Variants in C1S observed in about 807,000 individuals in gnomAD.
The protein encoded by C1S is complement C1s subcomponent.
C1S carries 31 observed loss-of-function variants against 54.0 expected under a neutral mutation model. That is an observed-to-expected ratio of 0.57 (90% CI 0.43 to 0.78). The LOEUF (loss-of-function observed/expected upper bound fraction) is 0.78, where lower values mean the gene tolerates loss of function less well. Ranked by LOEUF, C1S falls within the 30% of genes least tolerant of loss-of-function variation. The pLI, the probability that C1S is intolerant of heterozygous loss-of-function variation, is 0.00. For missense variants in C1S, 727 were observed against 851.8 expected, an observed-to-expected ratio of 0.85 and a Z score of 1.82; for synonymous variants, 292 against 303.6, an observed-to-expected ratio of 0.96 and a Z score of 0.40.
chr12:7,067,743 A>G lies in C1S; in HGVS notation c.1167A>G (p.Pro389=), dbSNP rs1143664. ...GSVIRYTCEE[P]YYYMENGGGG... ...TCATCCGCTACACTTGTGAGGAGCC[A>G]TATTACTACATGGAAAATGGAGGAG... Residue 389 remains proline (P), a synonymous_variant, in exon 10 of 12, where the codon CCA becomes CCG. Coordinates refer to ENST00000360817, the MANE Select transcript of C1S (RefSeq NM_001734.5). 0.078 allele frequency: 125,932 copies of G among 1,613,332 alleles called. 5,698 individuals carry two copies. Among genetic ancestry groups the G allele is most frequent in the African/African-American group, 0.17 (12,586 of 74,988 alleles).
At chr12:7,065,067 A>G (rs1555161885) in intron 5 of C1S, 33 bp from the exon 6 acceptor site, 2 of 1,554,708 alleles carry the variant, frequency 1.3e-6, no homozygotes, top group South Asian at 1.1e-5. Flanking sequence ...TTGACCCTGT[A>G]TTTGATTCTC....
rs1178032371 is a variant in C1S at position 7,062,872 on chromosome 12, T to C, written c.214-18T>C. ...TATTACCCTTTCCTAGATTTTTTTT[T>C]TGTGACTCTTCTCTTAGATAATCTC... On this transcript the variant is annotated intron_variant, in intron 3 of 11. Transcript: ENST00000360817. 1.2e-6 allele frequency: 2 copies of C among 1,613,132 alleles called. No homozygotes were observed. Among genetic ancestry groups the C allele is most frequent in the Non-Finnish European group, 1.7e-6 (2 of 1,179,814 alleles).
intron 11 of C1S, among the ~76,000 whole-genome samples, chr12:7,069,644 C>A (rs1287838684): frequency 6.6e-6 from 1 of 152,166 alleles, no homozygotes; most frequent in Non-Finnish European, 1.5e-5. Flanking sequence ...ACTGAGCTCT[C>A]CCATGAGCCA....
intron 8 of C1S, 176 bp downstream of exon 8, chr12:7,066,809 A>T (rs782655255): frequency 4.2e-6 from 3 of 707,982 alleles, no homozygotes; most frequent in African/African-American, 1.7e-5. Context: ...CTGCCTGGCC[A>T]GCTTGGCATT....
intron 6 of C1S, 82 bp downstream of exon 6, chr12:7,065,381 C>T (rs781808191): frequency 2.0e-6 from 2 of 992,062 alleles, no homozygotes; most frequent in South Asian, 2.6e-5. Context: ...TTTCATACAG[C>T]ATCTTTCTCT....
At position 7,064,412 on chromosome 12, in the gene C1S, G is replaced by T; in HGVS notation, c.517+20G>T. On this transcript the variant is annotated intron_variant, in intron 5 of 11. Transcript: ENST00000360817. ...GCGGAGGTGAGCTTGGTGTTAAGAG[G>T]GTTGCATGTTCCCTGGGATTTGGAA... 1 of 1,613,986 alleles carries T rather than the reference G, an allele frequency of 6.2e-7. No individual in the cohort carries two copies. Among genetic ancestry groups the T allele is most frequent in the South Asian group, 1.1e-5 (1 of 91,084 alleles).
chr12:7,069,641 T>G (rs1049460749), intron 11 of C1S, among the ~76,000 whole-genome samples: 1 of 152,154 alleles, frequency 6.6e-6, no homozygotes, highest in African/African-American at 2.4e-5. Flanking sequence ...TTAACTGAGC[T>G]CTCCCATGAG....
At chr12:7,061,630 AG>A (rs1460101326) in intron 1 of C1S, 1 of 524,908 alleles carries the variant, frequency 1.9e-6, no homozygotes, top group African/African-American at 1.9e-5. Context: ...AGAAGCAATG[AG>A]GGAAGGATAC....
chr12:7,066,227 GA>G, intron 7 of C1S: 2 of 609,214 alleles, frequency 3.3e-6, no homozygotes, highest in Non-Finnish European at 5.8e-6. Flanking sequence ...TTGTTGTTCT[GA>G]TAGAATCCTG....
Position 7,063,051 on chromosome 12 carries a change from A to G in C1S, c.375A>G (p.Ala125=). 1 of 1,613,628 alleles carries G rather than the reference A, an allele frequency of 6.2e-7. No individual in the cohort carries two copies. The highest frequency in any genetic ancestry group is 1.1e-5 in the South Asian group (1 of 91,084). The change falls in exon 4 of 12, where the codon GCA becomes GCG. Residue 125 remains alanine (A), a synonymous_variant. Transcript: ENST00000360817. ...AAGAGCGTTTTACGGGGTTTGCTGC[A>G]TACTATGTTGCCACAGGTAAGGCTC... ...SNEERFTGFA[A]YYVATDINEC...
intron 11 of C1S, among the ~76,000 whole-genome samples, chr12:7,069,211 C>A (rs1275138463): frequency 6.6e-6 from 1 of 152,178 alleles, no homozygotes; most frequent in Non-Finnish European, 1.5e-5. Context: ...CTTGGAGTCC[C>A]TCCAGGCTGT....
chr12:7,065,586 C>G (rs1947163422), intron 6 of C1S: 1 of 615,878 alleles, frequency 1.6e-6, no homozygotes, highest in East Asian at 2.8e-5. Flanking sequence ...CTCAGGATAG[C>G]CTGAAACTCC....
At chr12:7,062,052 T>G in intron 2 of C1S, 135 bp downstream of exon 2, 1 of 868,668 alleles carries the variant, frequency 1.2e-6, no homozygotes, top group South Asian at 1.4e-5. Flanking sequence ...GGAGGATTGC[T>G]TGAGCCCAGG....
At chr12:7,066,277 C>T (rs782044935) in intron 7 of C1S, 104 of 617,804 alleles carry the variant, frequency 1.7e-4, no homozygotes, top group Non-Finnish European at 2.6e-4. Flanking sequence ...AACCAGTCAA[C>T]GGTTGCTAGA....
intron 10 of C1S, among the ~76,000 whole-genome samples, chr12:7,067,976 G>A (rs1416272353): frequency 6.6e-6 from 1 of 152,160 alleles, no homozygotes; most frequent in Non-Finnish European, 1.5e-5. Flanking sequence ...GAATCATAGA[G>A]GTCACCAACT....
At position 7,070,784 on chromosome 12, in the gene C1S, G is replaced by A; in HGVS notation, c.*133G>A. The stretch of plus-strand genomic sequence containing the variant: ...ATGATTTAAATAGAACTTGATTGTT[G>A]AGACGCCTTGCTAGAGGTAGAGTTT... On this transcript the variant is annotated 3_prime_UTR_variant, in exon 12 of 12. Transcript: ENST00000360817. This position sits in a 1 kb window ranked among gnomAD's most constrained non-coding sequence, Gnocchi z 4.9. 1.2e-6 allele frequency: 1 copy of A among 807,634 alleles called. No homozygotes were observed. Among genetic ancestry groups the A allele is most frequent in the Non-Finnish European group, 2.1e-6 (1 of 480,394 alleles). 50.0% of individuals were successfully genotyped at this position (807,634 alleles called of 1,614,324 possible). A position where few individuals can be genotyped will look rare whatever the true frequency, so the allele number is the denominator to read the frequency against.
rs782283468 is a variant in C1S, at chr12:7,063,022, A to G, written c.346A>G (p.Asn116Asp). The change falls in exon 4 of 12, where the codon AAT becomes GAT. Residue 116 changes from asparagine to aspartate, a missense_variant. By Grantham distance (23) the Asn-to-Asp change is conservative (BLOSUM62 1). This residue lies in a region of C1S where 357 missense variants were observed against 365.4 expected (regional missense o/e 0.98). Coordinates refer to ENST00000360817, the MANE Select transcript of C1S (RefSeq NM_001734.5). Reference sequence around the variant, plus strand: ...GGTGATCTTTAAGTCAGACTTTTCCAATGAAGAGCGTTTTACGGGGTTTGC... The same window carrying G: ...GGTGATCTTTAAGTCAGACTTTTCCGATGAAGAGCGTTTTACGGGGTTTGC... ...LQVIFKSDFS[N>D]EERFTGFAAY... 2 of 1,614,120 alleles carry G rather than the reference A, an allele frequency of 1.2e-6. No homozygotes were observed. Among genetic ancestry groups the G allele is most frequent in the South Asian group, 2.2e-5 (2 of 91,086 alleles).
intron 2 of C1S, chr12:7,062,127 C>T (rs1591574539): frequency 3.3e-6 from 2 of 598,226 alleles, no homozygotes; most frequent in South Asian, 2.0e-5. Context: ...AAAAATTAGC[C>T]CAGCGTCATG....
Position 7,070,922 on chromosome 12 carries a change from C to T in C1S, c.*271C>T. The T allele has an allele frequency of 2.1e-6, 1 of 479,774 alleles. No homozygotes were observed. Among genetic ancestry groups the T allele is most frequent in the Non-Finnish European group, 3.8e-6 (1 of 263,828 alleles). The allele number at this position is 479,774 out of a possible 1,614,324, so 29.7% of individuals were successfully genotyped here. A position where few individuals can be genotyped will look rare whatever the true frequency, so the allele number is the denominator to read the frequency against. ...TGGGGCACTCCTTTCTTGCACTATT[C>T]CACAGGGATACCTTAATTCTTTGTT... is the stretch of plus-strand genomic sequence containing the variant. On this transcript the variant is annotated 3_prime_UTR_variant, in exon 12 of 12. Transcript: ENST00000360817. This position sits in a 1 kb window ranked among gnomAD's most constrained non-coding sequence, Gnocchi z 4.9.
Sources: gnomAD v4.1 joint callset for allele counts (sites outside exome capture counted in the v4.1 genomes callset) on GRCh38, gnomAD v4.1.1 for gene constraint, gnomAD v4.1.1 regional missense constraint, Gnocchi (gnomAD v3.1) non-coding constraint, MANE v1.5 for transcripts, NCBI Gene and HGNC (gene_info 2026-07-23, HGNC 2026-07-21) for gene names.